Variants in EBF1 observed in about 807,000 individuals in gnomAD.
EBF1 encodes transcription factor COE1.
EBF1 carries 10 observed loss-of-function variants against 68.4 expected under a neutral mutation model. The observed-to-expected ratio is 0.15, with a 90% CI of 0.09 to 0.25. EBF1 has a LOEUF of 0.25. Among genes scored for constraint, EBF1 ranks in the 10% least tolerant of loss-of-function variants. EBF1 has a pLI of 1.00. For missense variants in EBF1, 509 were observed against 794.4 expected (o/e 0.64, Z 4.32); for synonymous variants, 298 against 299.8 (o/e 0.99, Z 0.06).
At chr5:158,975,393 T>C (rs1312784125) in intron 6 of EBF1, among the ~76,000 whole-genome samples, 1 of 152,152 alleles carries the variant, frequency 6.6e-6, no homozygotes, top group Non-Finnish European at 1.5e-5. Flanking sequence ...TCCAGGTCTG[T>C]TGAATAGCAG....
Position 158,798,451 on chromosome 5 carries a change from G to T in EBF1, c.779-1976C>A, listed in dbSNP as rs149943154. 9.9e-5 allele frequency among the ~76,000 whole-genome samples: 15 copies of T among 152,118 alleles called. No individual in the cohort carries two copies. The East Asian group carries it at 2.9e-3, about 29-fold the overall frequency. On this transcript the variant is annotated intron_variant, in intron 8 of 15. Coordinates refer to ENST00000313708, the MANE Select transcript of EBF1 (RefSeq NM_024007.5). ...ACACATATTTCTTTAGCTAAATACG[G>T]TCTCCTGCAGGCTTTCTCATCATTG...
intron 7 of EBF1, among the ~76,000 whole-genome samples, chr5:158,827,935 T>C (rs1316825053): frequency 1.3e-5 from 2 of 152,198 alleles, no homozygotes; most frequent in African/African-American, 4.8e-5. Context: ...AAATAAACTC[T>C]TCCTCACGTT....
At chr5:158,758,733 G>A (rs1197851658) in intron 10 of EBF1, among the ~76,000 whole-genome samples, 1 of 152,158 alleles carries the variant, frequency 6.6e-6, no homozygotes, top group South Asian at 2.1e-4. Flanking sequence ...CTGAGATGAC[G>A]TGACATCATT....
chr5:158,932,303 TAC>T (rs1404549433), intron 6 of EBF1, among the ~76,000 whole-genome samples: 2 of 152,212 alleles, frequency 1.3e-5, no homozygotes, highest in Non-Finnish European at 2.9e-5. Context: ...TACAATATTA[TAC>T]AGTCATTAAA....
At chr5:158,786,310 A>C (rs1301294812) in intron 9 of EBF1, among the ~76,000 whole-genome samples, 1 of 152,242 alleles carries the variant, frequency 6.6e-6, no homozygotes, top group East Asian at 1.9e-4. Flanking sequence ...AATGGCAACA[A>C]GATCATCTTT....
intron 6 of EBF1, among the ~76,000 whole-genome samples, chr5:159,013,021 G>A (rs1014779482): frequency 5.3e-5 from 8 of 152,214 alleles, no homozygotes; most frequent in African/African-American, 1.9e-4. Context: ...CAGACCTCTG[G>A]CCTCTAGAAG....
At chr5:158,861,907 TG>T (rs1795025416) in intron 6 of EBF1, among the ~76,000 whole-genome samples, 1 of 152,244 alleles carries the variant, frequency 6.6e-6, no homozygotes, top group Non-Finnish European at 1.5e-5. Flanking sequence ...TATCCCATTT[TG>T]TCTCAATCTC....
At chr5:158,768,785 C>T (rs1336255964) in intron 10 of EBF1, among the ~76,000 whole-genome samples, 1 of 152,080 alleles carries the variant, frequency 6.6e-6, no homozygotes, top group African/African-American at 2.4e-5. Flanking sequence ...ACTTCCTACT[C>T]CTATTCCACA....
At chr5:159,034,673 C>T (rs1214731030) in intron 6 of EBF1, among the ~76,000 whole-genome samples, 1 of 152,196 alleles carries the variant, frequency 6.6e-6, no homozygotes, top group South Asian at 2.1e-4. Flanking sequence ...CAGCAAGCTA[C>T]AAGCTACTTC....
chr5:158,824,939 T>C (rs776189896), intron 7 of EBF1, among the ~76,000 whole-genome samples: 9 of 152,224 alleles, frequency 5.9e-5, no homozygotes, highest in Admixed American at 2.0e-4. Context: ...ATAAGGTTGA[T>C]TTTGTTTTCT....
Position 158,699,968 on chromosome 5 carries a change from C to T in EBF1, c.1745-826G>A, listed in dbSNP as rs578035685. Among the ~76,000 whole-genome samples the T allele has an allele frequency of 2.6e-5, 4 of 152,272 alleles. No homozygotes were observed. In the East Asian group the frequency reaches 7.7e-4, roughly 29 times the overall value. Reference sequence around the variant, plus strand: ...ACACAGAATCAGATAGGCCTGAGTCCCACCTCTGGCTTTTCTGCTGTGAAG... The same window carrying T: ...ACACAGAATCAGATAGGCCTGAGTCTCACCTCTGGCTTTTCTGCTGTGAAG... On this transcript the variant is annotated intron_variant, in intron 15 of 15. Transcript: ENST00000313708.
At chr5:159,069,278 C>T (rs1199973930) in intron 6 of EBF1, among the ~76,000 whole-genome samples, 2 of 151,668 alleles carry the variant, frequency 1.3e-5, no homozygotes, top group Non-Finnish European at 2.9e-5. Flanking sequence ...CTCACATTGT[C>T]ACCCTTACTT....
intron 6 of EBF1, among the ~76,000 whole-genome samples, chr5:158,962,552 T>C (rs890415264): frequency 6.6e-6 from 1 of 152,350 alleles, no homozygotes; most frequent in East Asian, 1.9e-4. Context: ...AGTGTCATTA[T>C]AGAAAGCTTT....
chr5:158,708,202 C>A (rs372272187), intron 14 of EBF1, 29 bp from the exon 15 acceptor site: 5 of 1,551,078 alleles, frequency 3.2e-6, no homozygotes, highest in Middle Eastern at 1.7e-4. Flanking sequence ...AAGGAGAAAT[C>A]AGTGCCTTTC....
chr5:158,878,654 T>TC (rs1346073253), intron 6 of EBF1, among the ~76,000 whole-genome samples: 1 of 150,936 alleles, frequency 6.6e-6, no homozygotes, highest in Admixed American at 6.6e-5. Context: ...CTTTTTTTTT[T>TC]TTTTCCTGAG....
intron 10 of EBF1, among the ~76,000 whole-genome samples, chr5:158,760,378 C>T (rs1357874462): frequency 6.6e-6 from 1 of 152,106 alleles, no homozygotes; most frequent in African/African-American, 2.4e-5. Flanking sequence ...TCCTTCCAAA[C>T]ATGAGAACCC....
intron 6 of EBF1, among the ~76,000 whole-genome samples, chr5:158,929,138 A>T (rs1810315670): frequency 6.6e-6 from 1 of 152,250 alleles, no homozygotes; most frequent in Non-Finnish European, 1.5e-5. Context: ...TACATGTTAT[A>T]GGTTATCAGT....
chr5:158,977,574 C>G (rs1757032789), intron 6 of EBF1, among the ~76,000 whole-genome samples: 1 of 152,280 alleles, frequency 6.6e-6, no homozygotes, highest in South Asian at 2.1e-4. Flanking sequence ...AATTTAGCAT[C>G]CTATCAGTTC....
At chr5:159,070,099 T>C (rs949683379) in intron 6 of EBF1, among the ~76,000 whole-genome samples, 2 of 152,192 alleles carry the variant, frequency 1.3e-5, no homozygotes, top group African/African-American at 4.8e-5. Context: ...AAATCTGCTG[T>C]TATCAGTTCC....
Sources: gnomAD v4.1 joint callset for allele counts (sites outside exome capture counted in the v4.1 genomes callset) on GRCh38, gnomAD v4.1.1 for gene constraint, MANE v1.5 for transcripts, NCBI Gene and HGNC (gene_info 2026-07-23, HGNC 2026-07-21) for gene names.